Variants in PCSK1 observed in about 807,000 individuals in gnomAD.
PCSK1 encodes neuroendocrine convertase 1.
In PCSK1, 56 loss-of-function variants were observed where a neutral mutation model predicts 90.6. That is an observed-to-expected ratio of 0.62 (90% confidence interval 0.50 to 0.77). The LOEUF (loss-of-function observed/expected upper bound fraction) is 0.77, where lower values mean the gene tolerates loss of function less well. Among genes scored for constraint, PCSK1 ranks in the 30% least tolerant of loss-of-function variants. The pLI, the probability that PCSK1 is intolerant of heterozygous loss-of-function variation, is 0.00. For synonymous variants in PCSK1, 348 were observed against 342.4 expected, an observed-to-expected ratio of 1.02 and a Z score of -0.18; for missense variants, 801 against 932.6, an observed-to-expected ratio of 0.86 and a Z score of 1.84.
intron 9 of PCSK1, among the ~76,000 whole-genome samples, chr5:96,402,461 A>T (rs544841819): frequency 1.3e-5 from 2 of 152,224 alleles, no homozygotes; most frequent in East Asian, 3.9e-4. Flanking sequence ...GAGGGGAAAC[A>T]TCTAGACACT....
intron 7 of PCSK1, 77 bp from the exon 8 acceptor site, chr5:96,411,063 C>CGACT: frequency 9.9e-7 from 1 of 1,012,270 alleles, no homozygotes; most frequent in Non-Finnish European, 1.6e-6. Context: ...AAATCCCCAA[C>CGACT]GACTACATGT....
At chr5:96,424,997 GAGAAAGAAAGAAAAGAAAGAA>G (rs1561376151) in intron 3 of PCSK1, among the ~76,000 whole-genome samples, 2 of 100,186 alleles carry the variant, frequency 2.0e-5, no homozygotes, top group Non-Finnish European at 4.0e-5. Flanking sequence ...AAGAAAGAAA[GAGAAAGAAAGAAAAGAAAGAA>G]AGAAAGAAAG....
At chr5:96,413,844 G>A (rs1243534819) in intron 6 of PCSK1, among the ~76,000 whole-genome samples, 1 of 148,792 alleles carries the variant, frequency 6.7e-6, no homozygotes, top group African/African-American at 2.5e-5. Context: ...AATCGGCCAG[G>A]TGCGGTGGCT....
intron 10 of PCSK1, 61 bp from the exon 11 acceptor site, chr5:96,399,097 C>CAAGGA: frequency 8.3e-7 from 1 of 1,202,370 alleles, no homozygotes; most frequent in Non-Finnish European, 1.2e-6. Context: ...GCATTTTATG[C>CAAGGA]ATATCTGCAT....
At chr5:96,415,027 T>C (rs115127814) in intron 6 of PCSK1, among the ~76,000 whole-genome samples, 321 of 152,318 alleles carry the variant, frequency 2.1e-3, no homozygotes, top group African/African-American at 7.3e-3. Context: ...TGTTCTACAA[T>C]TGATTCTTTT....
intron 9 of PCSK1, among the ~76,000 whole-genome samples, chr5:96,401,925 C>T (rs557314937): frequency 1.3e-5 from 2 of 152,304 alleles, no homozygotes; most frequent in African/African-American, 4.8e-5. Flanking sequence ...AATTTTAAAA[C>T]ATATTGCTCC....
At chr5:96,400,286 T>G in intron 9 of PCSK1, 100 bp from the exon 10 acceptor site, 2 of 798,040 alleles carry the variant, frequency 2.5e-6, no homozygotes, top group East Asian at 4.9e-5. Context: ...GATTATGAAG[T>G]GCCTTTTGCT....
At chr5:96,397,119 T>TC (rs1435947664) in intron 12 of PCSK1, among the ~76,000 whole-genome samples, 1 of 152,196 alleles carries the variant, frequency 6.6e-6, no homozygotes, top group Non-Finnish European at 1.5e-5. Context: ...TAAGTGTTTT[T>TC]CCCCCTCTTA....
chr5:96,428,478 G>T (rs937347106), intron 2 of PCSK1, among the ~76,000 whole-genome samples: 1 of 152,158 alleles, frequency 6.6e-6, no homozygotes, highest in African/African-American at 2.4e-5. Context: ...TAATATGTTT[G>T]TTGACCTTGA....
chr5:96,393,202 C>A lies in PCSK1; in HGVS notation c.2061G>T (p.Lys687Asn). 5 of 1,614,100 alleles carry A rather than the reference C, an allele frequency of 3.1e-6. No individual in the cohort carries two copies. Among genetic ancestry groups the A allele is most frequent in the Non-Finnish European group, 4.2e-6 (5 of 1,180,004 alleles). The change falls in exon 14 of 14, where the codon AAG becomes AAT. Residue 687 changes from lysine (K) to asparagine (N), a missense_variant. By Grantham distance (94) the Lys-to-Asn change is moderately conservative. Transcript: ENST00000311106. ...GGATGTTGAGCTTTGCACTTGGGGACTTCTTTGGTGATTGCTTTGGCGGTG... is the reference window on the plus strand; with the variant it reads ...GGATGTTGAGCTTTGCACTTGGGGAATTCTTTGGTGATTGCTTTGGCGGTG... ...KNSPPKQSPK[K>N]SPSAKLNIPY...
Position 96,433,017 on chromosome 5 carries a change from T to A in PCSK1, c.26A>T (p.Gln9Leu). MERRAWSL[Q>L]CTAFVLFCAW... ...GCAAAAGAGGACGAAAGCAGTGCAC[T>A]GCAGACTCCAGGCTCTTCGCTCCAT... Residue 9 changes from glutamine (Q) to leucine (L), a missense_variant, in exon 1 of 14, where the codon CAG becomes CTG. Physicochemically the swap from Gln to Leu is moderately radical, Grantham distance 113. Transcript: ENST00000311106. 3.7e-6 allele frequency: 6 copies of A among 1,614,180 alleles called. No individual in the cohort carries two copies. Among genetic ancestry groups the A allele is most frequent in the Non-Finnish European group, 5.1e-6 (6 of 1,179,984 alleles).
chr5:96,432,109 A>G, intron 1 of PCSK1: 1 of 1,535,422 alleles, frequency 6.5e-7, no homozygotes, highest in Non-Finnish European at 8.7e-7. Context: ...AAAGAAATAG[A>G]TCCCTTCCCC....
chr5:96,418,036 G>A (rs1459112775), intron 5 of PCSK1, among the ~76,000 whole-genome samples: 1 of 152,160 alleles, frequency 6.6e-6, no homozygotes, highest in Non-Finnish European at 1.5e-5. Context: ...ACATCCCCAG[G>A]TTTGTGCCTT....
intron 12 of PCSK1, 132 bp from the exon 13 acceptor site, chr5:96,395,157 C>T: frequency 1.3e-6 from 1 of 764,082 alleles, no homozygotes; most frequent in Non-Finnish European, 2.2e-6. Flanking sequence ...TGAAAGAAAC[C>T]ATTGGATCCA....
rs540649550 is a variant in PCSK1, at chr5:96,419,338, T to G, written c.620+2542A>C. On this transcript the variant is annotated intron_variant, in intron 5 of 13. Transcript: ENST00000311106. ...ATATATATATATATAAAACCTCACT[T>G]TAACCCCTAACTCAATGAAGTATTA... Among the ~76,000 whole-genome samples, 8 of 147,244 alleles carry G rather than the reference T, an allele frequency of 5.4e-5. 2 individuals are homozygous for G. The highest frequency in any genetic ancestry group is 2.0e-4 in the African/African-American group (8 of 40,366).
chr5:96,407,476 C>T (rs1760611784), intron 9 of PCSK1, among the ~76,000 whole-genome samples: 1 of 151,510 alleles, frequency 6.6e-6, no homozygotes, highest in Non-Finnish European at 1.5e-5. Flanking sequence ...CTGGCACTTT[C>T]ACACATATAT....
At chr5:96,413,800 CAAA>C (rs34702966) in intron 6 of PCSK1, among the ~76,000 whole-genome samples, 35,210 of 105,710 alleles carry the variant, frequency 0.33, 5,892 homozygotes, top group Admixed American at 0.45. Context: ...GACTCTGTCT[CAAA>C]AAAAAAAAAA....
chr5:96,402,532 C>T (rs1760417006), intron 9 of PCSK1, among the ~76,000 whole-genome samples: 1 of 152,126 alleles, frequency 6.6e-6, no homozygotes, highest in Non-Finnish European at 1.5e-5. Flanking sequence ...GGTCCCTCCC[C>T]GCCTCACACC....
At chr5:96,430,543 G>T (rs995556616) in intron 1 of PCSK1, among the ~76,000 whole-genome samples, 1 of 152,096 alleles carries the variant, frequency 6.6e-6, no homozygotes, top group African/African-American at 2.4e-5. Flanking sequence ...CTGTCAACTG[G>T]TTTTTCTTCT....
Sources: gnomAD v4.1 joint callset for allele counts (sites outside exome capture counted in the v4.1 genomes callset) on GRCh38, gnomAD v4.1.1 for gene constraint, MANE v1.5 for transcripts, NCBI Gene and HGNC (gene_info 2026-07-23, HGNC 2026-07-21) for gene names.